The following SH2D3C variants were observed in gnomAD, a reference collection of about 807,000 sequenced individuals.
SH2D3C encodes SH2 domain-containing protein 3C.
SH2D3C carries 25 observed loss-of-function variants against 75.2 expected under a neutral mutation model. The ratio of observed to expected loss-of-function variants is 0.33; its 90% CI spans 0.24 to 0.46. The LOEUF (loss-of-function observed/expected upper bound fraction) is 0.46, where lower values mean the gene tolerates loss of function less well. Ranked by LOEUF, SH2D3C falls within the 20% of genes least tolerant of loss-of-function variation. The probability of loss-of-function intolerance (pLI) is 1.00; values close to 1 mark genes in which losing one functional copy is unlikely to be tolerated. For missense variants in SH2D3C, 933 were observed against 1,165.3 expected (o/e 0.80, Z 2.90); for synonymous variants, 450 against 473.7 (o/e 0.95, Z 0.65).
intron 3 of SH2D3C, 69 bp downstream of exon 3, chr9:127,761,542 C>T: frequency 8.7e-7 from 1 of 1,148,780 alleles, no homozygotes; most frequent in South Asian, 1.3e-5. Flanking sequence ...AGGGCTCTGC[C>T]CACCCGTAAT....
intron 3 of SH2D3C, among the ~76,000 whole-genome samples, chr9:127,757,636 GATGATGATGATT>G (rs1488671337): frequency 1.7e-4 from 15 of 88,270 alleles, no homozygotes; most frequent in East Asian, 8.9e-4. Context: ...TGATGATGAT[GATGATGATGATT>G]ATTATTATTA....
intron 8 of SH2D3C, 101 bp downstream of exon 8, chr9:127,742,748 G>T: frequency 1.3e-6 from 1 of 796,598 alleles, no homozygotes; most frequent in Non-Finnish European, 2.0e-6. Flanking sequence ...GAGCCCCCTG[G>T]GAGCCGAGCT....
chr9:127,778,454 A>G lies in SH2D3C; in HGVS notation c.37+137T>C, dbSNP rs552790503. 3.8e-6 allele frequency: 3 copies of G among 779,776 alleles called. No homozygotes were observed. The South Asian group carries it at 4.4e-5, about 11-fold the overall frequency. 48.3% of individuals were successfully genotyped at this position (779,776 alleles called of 1,614,324 possible). ...CTGGGTGACAGAGACGCTGGTGTCCAAAAGCAAAAAACAAAAAAAGAAAAA... is the reference window on the plus strand; with the variant it reads ...CTGGGTGACAGAGACGCTGGTGTCCGAAAGCAAAAAACAAAAAAAGAAAAA... On this transcript the variant is annotated intron_variant, in intron 1 of 11. Coordinates refer to ENST00000314830, the MANE Select transcript of SH2D3C (RefSeq NM_170600.3).
chr9:127,757,815 G>C (rs1845433673), intron 3 of SH2D3C, among the ~76,000 whole-genome samples: 1 of 151,792 alleles, frequency 6.6e-6, no homozygotes, highest in Non-Finnish European at 1.5e-5. Context: ...CACCACGCCT[G>C]GATAACTTTT....
chr9:127,749,169 C>A lies in SH2D3C; in HGVS notation c.1139+42G>T, dbSNP rs369758471. 1 of 1,407,712 alleles carries A rather than the reference C, an allele frequency of 7.1e-7. No homozygotes were observed. The highest frequency in any genetic ancestry group is 1.3e-5 in the South Asian group (1 of 75,760). 87.2% of individuals were successfully genotyped at this position (1,407,712 alleles called of 1,614,324 possible). ...GCCTTCTCTTTCTCACTAGCCCTCT[C>A]ATTACCCACAACCCCATTTGACAAA... On this transcript the variant is annotated intron_variant, in intron 5 of 11. Transcript: ENST00000314830. This position sits in a 1 kb window ranked among gnomAD's most constrained non-coding sequence, Gnocchi z 5.9.
chr9:127,739,811 G>A lies in SH2D3C; in HGVS notation c.2278C>T (p.Pro760Ser), dbSNP rs1844796748. The A allele has an allele frequency of 1.9e-6, 3 of 1,590,176 alleles. No individual in the cohort carries two copies. The highest frequency in any genetic ancestry group is 2.6e-6 in the Non-Finnish European group (3 of 1,168,644). ...ITLLECDSAP[P>S]EGPEPWGSTE... ...CTGCCCCAGGGCTCAGGGCCCTCTG[G>A]TGGGGCCGAGTCACACTCCAGCAGG... Residue 760 changes from proline to serine, a missense_variant, in exon 11 of 12, where the codon CCA becomes TCA. Transcript: ENST00000314830. This position sits in a 1 kb window ranked among gnomAD's most constrained non-coding sequence, Gnocchi z 4.3.
rs1159507942 is a variant in SH2D3C, at chr9:127,757,833, AT to A, written c.555+3777del. Among the ~76,000 whole-genome samples the A allele has an allele frequency of 2.6e-5, 4 of 151,238 alleles. No individual in the cohort carries two copies. The East Asian group carries it at 7.8e-4, about 29-fold the overall frequency. On this transcript the variant is annotated intron_variant, in intron 3 of 11. Transcript: ENST00000314830. ...CACGCCTGGATAACTTTTTTATATC[AT>A]TTTTTTAGTAGAGATGGGGTTTCTC...
At chr9:127,769,343 A>C (rs1302200790) in intron 2 of SH2D3C, among the ~76,000 whole-genome samples, 1 of 152,238 alleles carries the variant, frequency 6.6e-6, no homozygotes, top group Non-Finnish European at 1.5e-5. Flanking sequence ...GTCATTTGAA[A>C]TAATGGTAGA....
intron 9 of SH2D3C, among the ~76,000 whole-genome samples, chr9:127,741,400 C>T (rs1844852378): frequency 6.6e-6 from 1 of 152,022 alleles, no homozygotes; most frequent in Non-Finnish European, 1.5e-5. Context: ...ACCACCACGC[C>T]CGGCTTTTTG....
At position 127,751,930 on chromosome 9, in the gene SH2D3C, G is replaced by C. The variant is rs1027103214; in HGVS notation, c.556-630C>G. Among the ~76,000 whole-genome samples, 5 of 152,132 alleles carry C rather than the reference G, an allele frequency of 3.3e-5. No individual in the cohort carries two copies. Among genetic ancestry groups the C allele is most frequent in the Admixed American group, 1.3e-4 (2 of 15,270 alleles). ...AAGGGTGGGGAAGGGACTATAAACAGGGACACGGGGACCCCAAACAGACAT... is the reference window on the plus strand; with the variant it reads ...AAGGGTGGGGAAGGGACTATAAACACGGACACGGGGACCCCAAACAGACAT... On this transcript the variant is annotated intron_variant, in intron 3 of 11. Transcript: ENST00000314830. This position sits in a 1 kb window ranked among gnomAD's most constrained non-coding sequence, Gnocchi z 4.1.
In SH2D3C at chr9:127,741,902, C is replaced by G. The variant is rs747508706; in HGVS notation, c.1974G>C (p.Ala658=). ...AVDILGCTGS[A]EERAALLHKT... ...TGTGCAGCAGCGCTGCCCGCTCCTC[C>G]GCAGAGCCGGTGCAGCCCAGGATGT... The change falls in exon 9 of 12, where the codon GCG becomes GCC. Residue 658 remains alanine, a synonymous_variant. Coordinates refer to ENST00000314830, the MANE Select transcript of SH2D3C (RefSeq NM_170600.3). The G allele has an allele frequency of 4.3e-6, 7 of 1,612,974 alleles. No individual in the cohort carries two copies. In the African/African-American group the frequency reaches 9.3e-5, roughly 22 times the overall value.
chr9:127,771,442 C>T (rs1845738129), intron 2 of SH2D3C: 7 of 1,193,170 alleles, frequency 5.9e-6, no homozygotes, highest in Admixed American at 7.9e-5. Flanking sequence ...CCGCCTCGAA[C>T]ACGGCCCTCC....
chr9:127,744,951 G>T lies in SH2D3C; in HGVS notation c.1413C>A (p.Pro471=). 1.3e-6 allele frequency: 2 copies of T among 1,570,518 alleles called. No individual in the cohort carries two copies. The part of the protein sequence containing the change: ...GESDKGPHTS[P]SHTLGKASPS... ...GGGAGGCCTTGCCAAGGGTGTGGGA[G>T]GGGCTGGTGTGGGGGCCCTTGTCTG... Residue 471 remains proline, a synonymous_variant, in exon 7 of 12, where the codon CCC becomes CCA. Coordinates refer to ENST00000314830, the MANE Select transcript of SH2D3C (RefSeq NM_170600.3).
At chr9:127,755,354 G>C in intron 3 of SH2D3C, 3 of 481,812 alleles carry the variant, frequency 6.2e-6, no homozygotes, top group Non-Finnish European at 9.3e-6. Flanking sequence ...GGAGGGGAGG[G>C]GGCCATTGTT....
intron 2 of SH2D3C, chr9:127,771,257 C>A: frequency 6.5e-7 from 1 of 1,541,326 alleles, no homozygotes; most frequent in South Asian, 1.2e-5. Flanking sequence ...CGCCGGCAAC[C>A]CGGGGACCTC....
chr9:127,742,703 C>G, intron 8 of SH2D3C, 146 bp downstream of exon 8: 1 of 591,416 alleles, frequency 1.7e-6, no homozygotes, highest in Non-Finnish European at 3.0e-6. Flanking sequence ...GTTATCAGGG[C>G]TTGCGATTGG....
rs942638263 is a variant in SH2D3C at position 127,749,422 on chromosome 9, G to T, written c.928C>A (p.Gln310Lys). ...HVGSRKAVSEQSGAIIYCPVN... is the reference protein window; with the variant it reads ...HVGSRKAVSEKSGAIIYCPVN... The stretch of plus-strand genomic sequence containing the variant: ...GGGCAGTAGATGATGGCACCACTCT[G>T]CTCTGACACAGCCTTGCGGCTGCCC... The change falls in exon 5 of 12, where the codon CAG becomes AAG. Residue 310 changes from glutamine (Q) to lysine (K), a missense_variant. Physicochemically the swap from Gln to Lys is moderately conservative, Grantham distance 53. Coordinates refer to ENST00000314830, the MANE Select transcript of SH2D3C (RefSeq NM_170600.3). The surrounding 1 kb of genome is among the most constrained non-coding windows in gnomAD (Gnocchi z 5.9). 6 of 1,614,086 alleles carry T rather than the reference G, an allele frequency of 3.7e-6. No homozygotes were observed. The highest frequency in any genetic ancestry group is 1.3e-5 in the African/African-American group (1 of 74,952).
At position 127,751,474 on chromosome 9, in the gene SH2D3C, C is replaced by A. The variant is rs1348905781; in HGVS notation, c.556-174G>T. 6.6e-6 allele frequency among the ~76,000 whole-genome samples: 1 copy of A among 152,264 alleles called. No homozygotes were observed. On this transcript the variant is annotated intron_variant, in intron 3 of 11. Transcript: ENST00000314830. This position sits in a 1 kb window ranked among gnomAD's most constrained non-coding sequence, Gnocchi z 4.1. ...AGAAAGAGTAAAGAAATCTCAATTC[C>A]TTCCACAAAACAATGCCAGCTGCAT...
chr9:127,765,409 T>C (rs1354642265), intron 2 of SH2D3C, among the ~76,000 whole-genome samples: 1 of 152,136 alleles, frequency 6.6e-6, no homozygotes, highest in Non-Finnish European at 1.5e-5. Flanking sequence ...TCAGGAACCA[T>C]CAGGAACTTA....
Sources: gnomAD v4.1 joint callset for allele counts (sites outside exome capture counted in the v4.1 genomes callset) on GRCh38, gnomAD v4.1.1 for gene constraint, Gnocchi (gnomAD v3.1) non-coding constraint, MANE v1.5 for transcripts, NCBI Gene and HGNC (gene_info 2026-07-23, HGNC 2026-07-21) for gene names.